The following NPIPA1 variants were observed in gnomAD, a reference collection of about 807,000 sequenced individuals.
The protein encoded by NPIPA1 is nuclear pore complex interacting protein family member A1, also known as nuclear pore complex-interacting protein family member A1.
For missense variants in NPIPA1, 22 were observed against 232.2 expected (o/e 0.09, Z 5.88); for synonymous variants, 7 against 88.0 (o/e 0.08, Z 5.15).
At chr16:14,939,446 ACT>A (rs1457657714) in intron 1 of NPIPA1, among the ~76,000 whole-genome samples, 5 of 136,928 alleles carry the variant, frequency 3.7e-5, no homozygotes, top group Non-Finnish European at 6.2e-5. Flanking sequence ...CAGAAAGTGA[ACT>A]CTCACTCTTC....
intron 1 of NPIPA1, among the ~76,000 whole-genome samples, chr16:14,941,247 C>T (rs1045907551): frequency 1.4e-5 from 2 of 146,834 alleles, no homozygotes; most frequent in African/African-American, 5.0e-5. Context: ...CCAGACTGGC[C>T]AACATGGTGA....
chr16:14,948,331 A>T (rs1797953403), intron 4 of NPIPA1, among the ~76,000 whole-genome samples: 1 of 152,250 alleles, frequency 6.6e-6, no homozygotes, highest in African/African-American at 2.4e-5. Flanking sequence ...CAGCATTCAG[A>T]TTGCCTTTTC....
rs1203730998 is a variant in NPIPA1, at chr16:14,947,429, G to A, written c.437+1448G>A. Among the ~76,000 whole-genome samples, 7 of 151,306 alleles carry A rather than the reference G, an allele frequency of 4.6e-5. No individual in the cohort carries two copies. The South Asian group carries it at 8.5e-4, about 18-fold the overall frequency. On this transcript the variant is annotated intron_variant, in intron 4 of 7. Coordinates refer to ENST00000328085, the MANE Select transcript of NPIPA1 (RefSeq NM_006985.4). ...TCTATTCTGATGCATGACTCTTCTG[G>A]GTCTCAACCAGAGCCAGTGGACTTC...
In NPIPA1 at chr16:14,940,282, T is replaced by C. The variant is rs1356043940; in HGVS notation, c.64-1530T>C. On this transcript the variant is annotated intron_variant, in intron 1 of 7. Coordinates refer to ENST00000328085, the MANE Select transcript of NPIPA1 (RefSeq NM_006985.4). ...TGTATTTTTTTTTTTTTTTTACTTATGCTGAGCTTTAAATGACAAAGATTC... is the reference window on the plus strand; with the variant it reads ...TGTATTTTTTTTTTTTTTTTACTTACGCTGAGCTTTAAATGACAAAGATTC... Among the ~76,000 whole-genome samples, 547 of 140,098 alleles carry C rather than the reference T, an allele frequency of 3.9e-3. 5 individuals are homozygous for C. Among genetic ancestry groups the C allele is most frequent in the Admixed American group, 0.038 (486 of 12,846 alleles). The allele number at this position is 140,098 out of a possible 152,430, so 91.9% of individuals were successfully genotyped here.
intron 1 of NPIPA1, among the ~76,000 whole-genome samples, chr16:14,940,860 G>T (rs1965733972): frequency 8.2e-6 from 1 of 122,284 alleles, no homozygotes; most frequent in African/African-American, 3.1e-5. Flanking sequence ...AGGTACAGTG[G>T]CTCATGCCTG....
chr16:14,944,977 T>TCTCAGC (rs1429541008), intron 2 of NPIPA1, among the ~76,000 whole-genome samples: 2 of 146,520 alleles, frequency 1.4e-5, no homozygotes, highest in African/African-American at 5.0e-5. Context: ...AATGGCACAA[T>TCTCAGC]CTCAGCTCAA....
At chr16:14,942,895 G>C (rs1391606436) in intron 2 of NPIPA1, among the ~76,000 whole-genome samples, 1 of 152,280 alleles carries the variant, frequency 6.6e-6, no homozygotes, top group Non-Finnish European at 1.5e-5. Flanking sequence ...GTGGTTGTGT[G>C]GGGGCTGAAC....
chr16:14,938,403 CTG>C (rs1965675143), intron 1 of NPIPA1: 1 of 1,203,116 alleles, frequency 8.3e-7, no homozygotes, highest in African/African-American at 1.7e-5. Flanking sequence ...TTTTACTGGG[CTG>C]TGTCACGCGG....
At chr16:14,944,903 C>CTG (rs1965844668) in intron 2 of NPIPA1, among the ~76,000 whole-genome samples, 2 of 148,844 alleles carry the variant, frequency 1.3e-5, no homozygotes, top group Admixed American at 6.7e-5. Flanking sequence ...CGCACCTGGC[C>CTG]TATATTTTTT....
At chr16:14,943,189 C>T (rs1303575032) in intron 2 of NPIPA1, among the ~76,000 whole-genome samples, 2 of 152,060 alleles carry the variant, frequency 1.3e-5, no homozygotes, top group African/African-American at 4.8e-5. Flanking sequence ...AGGAGTCTCC[C>T]TCTGTTGCCC....
chr16:14,938,217 G>A (rs1965668443), intron 1 of NPIPA1: 1 of 1,476,430 alleles, frequency 6.8e-7, no homozygotes, highest in Non-Finnish European at 9.0e-7. Context: ...ACCAGGACAT[G>A]CGGGTGCGGT....
At chr16:14,944,903 C>A (rs1411506175) in intron 2 of NPIPA1, among the ~76,000 whole-genome samples, 1 of 148,844 alleles carries the variant, frequency 6.7e-6, no homozygotes, top group African/African-American at 2.5e-5. Flanking sequence ...CGCACCTGGC[C>A]TATATTTTTT....
intron 1 of NPIPA1, among the ~76,000 whole-genome samples, chr16:14,940,442 C>T (rs1431361975): frequency 6.6e-6 from 1 of 152,010 alleles, no homozygotes; most frequent in East Asian, 1.9e-4. Context: ...GGTGCAGTGG[C>T]TCACACCTGT....
chr16:14,945,227 G>GTTTTGTGT (rs748459839), intron 2 of NPIPA1, among the ~76,000 whole-genome samples: 8 of 137,726 alleles, frequency 5.8e-5, no homozygotes, highest in African/African-American at 1.7e-4. Context: ...ATTCTTGTGT[G>GTTTTGTGT]GTGTGTGTGT....
chr16:14,941,201 G>T (rs1965744128), intron 1 of NPIPA1, among the ~76,000 whole-genome samples: 2 of 151,072 alleles, frequency 1.3e-5, no homozygotes, highest in Admixed American at 6.6e-5. Context: ...ACTTTGGGAG[G>T]CCGAGGCAGG....
At chr16:14,942,697 G>A in intron 2 of NPIPA1, among the ~76,000 whole-genome samples, 1 of 152,310 alleles carries the variant, frequency 6.6e-6, no homozygotes, top group South Asian at 2.1e-4. Flanking sequence ...GTCTGGGCAG[G>A]GTAATTTTGA....
chr16:14,951,888 A>G lies in NPIPA1; in HGVS notation c.916A>G (p.Lys306Glu), dbSNP rs1966010575. The G allele has an allele frequency of 6.3e-7, 1 of 1,586,248 alleles. No individual in the cohort carries two copies. Among genetic ancestry groups the G allele is most frequent in the Non-Finnish European group, 8.5e-7 (1 of 1,170,746 alleles). The change falls in exon 8 of 8, where the codon AAG becomes GAG. Residue 306 changes from lysine to glutamate, a missense_variant. Physicochemically the swap from Lys to Glu is moderately conservative, Grantham distance 56. Transcript: ENST00000328085. The part of the protein sequence containing the change: ...PLPPSADDNL[K>E]TPPECLLTPL... ...TCCACCCTCAGCGGATGATAATCTC[A>G]AGACACCTCCCGAGTGTCTGCTCAC... is the stretch of plus-strand genomic sequence containing the variant.
intron 4 of NPIPA1, among the ~76,000 whole-genome samples, chr16:14,946,484 A>T (rs1597176884): frequency 6.7e-6 from 1 of 150,196 alleles, no homozygotes; most frequent in Non-Finnish European, 1.5e-5. Flanking sequence ...AGCCTCCCAA[A>T]GTGCTGGGAT....
chr16:14,946,996 T>G (rs1736213747), intron 4 of NPIPA1, among the ~76,000 whole-genome samples: 1 of 151,914 alleles, frequency 6.6e-6, no homozygotes, highest in Admixed American at 6.6e-5. Flanking sequence ...CCCAGCCCAA[T>G]TTTTGTATTT....
Sources: gnomAD v4.1 joint callset for allele counts (sites outside exome capture counted in the v4.1 genomes callset) on GRCh38, gnomAD v4.1.1 for gene constraint, MANE v1.5 for transcripts, NCBI Gene and HGNC (gene_info 2026-07-23, HGNC 2026-07-21) for gene names.